The following MIR2052HG variants were observed in gnomAD, a reference collection of about 807,000 sequenced individuals.
MIR2052HG encodes MIR2052 host gene.
In MIR2052HG at chr8:74,699,395, T is replaced by C. The variant is rs188119164; in HGVS notation, n.217-2984T>C. Among the ~76,000 whole-genome samples the C allele has an allele frequency of 7.7e-3, 981 of 126,836 alleles. 4 individuals are homozygous for C. The highest frequency in any genetic ancestry group is 0.025 in the Middle Eastern group (6 of 242). The allele number at this position is 126,836 out of a possible 152,430, so 83.2% of individuals were successfully genotyped here. On this transcript the variant is annotated intron_variant and non_coding_transcript_variant, in intron 2 of 6. Transcript: ENST00000523442. Reference sequence around the variant, plus strand: ...ATGAGTGGATAAAGAAAATGTAGTATGTGTATGTGTGTGTGTGTGTGTATA... The same window carrying C: ...ATGAGTGGATAAAGAAAATGTAGTACGTGTATGTGTGTGTGTGTGTGTATA...
intron 1 of MIR2052HG, among the ~76,000 whole-genome samples, chr8:74,602,315 T>C (rs939709970): frequency 3.1e-4 from 47 of 152,138 alleles, no homozygotes; most frequent in African/African-American, 1.1e-3. Context: ...AATTTGCAAA[T>C]GCCGTGGCAA....
At chr8:74,708,749 T>A (rs1057000159) in intron 4 of MIR2052HG, among the ~76,000 whole-genome samples, 1 of 151,454 alleles carries the variant, frequency 6.6e-6, no homozygotes, top group East Asian at 1.9e-4. Flanking sequence ...AATAAAATTT[T>A]AAAATTAAAC....
intron 3 of MIR2052HG, chr8:74,702,507 C>T (rs1459910942): frequency 5.1e-6 from 2 of 393,608 alleles, no homozygotes; most frequent in Non-Finnish European, 1.1e-5. Flanking sequence ...CTGCACACAT[C>T]CTACTAGAAT....
rs563526975 is a variant in MIR2052HG, at chr8:74,732,140, A to G, written n.372-20301A>G. ...GGAAAACATTGAAAATTAAAACCTA[A>G]TAAAGAAAAACACTACAGCAAAACA... On this transcript the variant is annotated intron_variant and non_coding_transcript_variant, in intron 4 of 6. Coordinates refer to ENST00000523442, the Ensembl canonical transcript of MIR2052HG. 9.2e-5 allele frequency among the ~76,000 whole-genome samples: 14 copies of G among 152,312 alleles called. 1 individual carries two copies. The highest frequency in any genetic ancestry group is 1.9e-4 in the African/African-American group (8 of 41,562).
intron 2 of MIR2052HG, among the ~76,000 whole-genome samples, chr8:74,643,525 T>C (rs926801206): frequency 2.0e-5 from 3 of 152,210 alleles, no homozygotes; most frequent in Non-Finnish European, 4.4e-5. Flanking sequence ...TCTCTAAGTC[T>C]GTCAGCTAAC....
chr8:74,715,008 A>G (rs1025689516), intron 4 of MIR2052HG, among the ~76,000 whole-genome samples: 1 of 151,962 alleles, frequency 6.6e-6, no homozygotes, highest in African/African-American at 2.4e-5. Context: ...TTGTTTTTTT[A>G]TTGCTACCAA....
At chr8:74,602,876 T>TCTTTCCTTTCTTTCTTTC (rs1554570015) in intron 1 of MIR2052HG, among the ~76,000 whole-genome samples, 1 of 137,064 alleles carries the variant, frequency 7.3e-6, no homozygotes, top group Non-Finnish European at 1.6e-5. Flanking sequence ...TTTCTTTCTT[T>TCTTTCCTTTCTTTCTTTC]TTTCTATTCA....
At chr8:74,650,032 T>G (rs1738791933) in intron 2 of MIR2052HG, among the ~76,000 whole-genome samples, 1 of 152,150 alleles carries the variant, frequency 6.6e-6, no homozygotes, top group African/African-American at 2.4e-5. Flanking sequence ...CATTTATGAT[T>G]TTAAAGCATT....
At chr8:74,683,723 T>TA (rs1809149898) in intron 2 of MIR2052HG, among the ~76,000 whole-genome samples, 1 of 152,166 alleles carries the variant, frequency 6.6e-6, no homozygotes, top group Non-Finnish European at 1.5e-5. Context: ...AGGGCTGTGT[T>TA]ACAATCACAG....
chr8:74,641,590 A>G (rs1384180538), intron 2 of MIR2052HG, among the ~76,000 whole-genome samples: 3 of 152,176 alleles, frequency 2.0e-5, no homozygotes, highest in Non-Finnish European at 4.4e-5. Flanking sequence ...GAAAAATAGA[A>G]TAGATTGTGG....
At chr8:74,701,738 G>T (rs1379313250) in intron 2 of MIR2052HG, among the ~76,000 whole-genome samples, 1 of 152,118 alleles carries the variant, frequency 6.6e-6, no homozygotes, top group Admixed American at 6.6e-5. Context: ...GCCAAAGTCA[G>T]TTTTATGCAT....
chr8:74,737,857 C>T (rs562341436), intron 4 of MIR2052HG, among the ~76,000 whole-genome samples: 1 of 152,048 alleles, frequency 6.6e-6, no homozygotes, highest in Non-Finnish European at 1.5e-5. Flanking sequence ...GTTTAGTTTT[C>T]TCCTATTTTA....
intron 4 of MIR2052HG, among the ~76,000 whole-genome samples, chr8:74,744,532 G>A (rs1343251584): frequency 1.3e-5 from 2 of 151,098 alleles, no homozygotes; most frequent in Non-Finnish European, 2.9e-5. Flanking sequence ...GTGTCCATGT[G>A]ATCTCATTGT....
intron 2 of MIR2052HG, among the ~76,000 whole-genome samples, chr8:74,701,392 G>A (rs111346502): frequency 1.8e-4 from 28 of 152,114 alleles, no homozygotes; most frequent in African/African-American, 6.5e-4. Flanking sequence ...GTTTCTACTT[G>A]GAGAGAATGC....
At chr8:74,621,893 A>C (rs945651746) in intron 2 of MIR2052HG, among the ~76,000 whole-genome samples, 2 of 152,184 alleles carry the variant, frequency 1.3e-5, no homozygotes, top group African/African-American at 4.8e-5. Context: ...ATGTACAAAA[A>C]CCAACTCAGA....
chr8:74,676,584 G>T (rs1304700913), intron 2 of MIR2052HG, among the ~76,000 whole-genome samples: 2 of 151,828 alleles, frequency 1.3e-5, no homozygotes, highest in Non-Finnish European at 2.9e-5. Context: ...GAAAAAAAAT[G>T]TGGCAAGGTG....
intron 2 of MIR2052HG, among the ~76,000 whole-genome samples, chr8:74,641,360 C>T (rs1048942168): frequency 2.0e-5 from 3 of 152,054 alleles, no homozygotes; most frequent in Admixed American, 6.6e-5. Context: ...AGCAGGACAA[C>T]CTGTTAAAGA....
chr8:74,729,611 A>C (rs1469638941), intron 4 of MIR2052HG, among the ~76,000 whole-genome samples: 2 of 152,178 alleles, frequency 1.3e-5, no homozygotes, highest in Non-Finnish European at 2.9e-5. Flanking sequence ...CAAGTCAGAC[A>C]TTTGAAGGCT....
intron 2 of MIR2052HG, among the ~76,000 whole-genome samples, chr8:74,667,574 C>T (rs978766052): frequency 6.6e-6 from 1 of 152,112 alleles, no homozygotes; most frequent in Non-Finnish European, 1.5e-5. Flanking sequence ...TTGCCTCACA[C>T]ATGCTACTGC....
Sources: gnomAD v4.1 joint callset for allele counts (sites outside exome capture counted in the v4.1 genomes callset) on GRCh38, gnomAD v4.1.1 for gene constraint, MANE v1.5 for transcripts, NCBI Gene and HGNC (gene_info 2026-07-23, HGNC 2026-07-21) for gene names.